The following ANKH variants were observed in gnomAD, a reference collection of about 807,000 sequenced individuals.
The protein encoded by ANKH is ANKH inorganic pyrophosphate transport regulator.
A neutral mutation model predicts 49.0 loss-of-function variants in ANKH; 15 were observed. The observed-to-expected ratio is 0.31, with a 90% CI of 0.20 to 0.47. ANKH has a LOEUF of 0.47. Ranked by LOEUF, ANKH falls within the 20% of genes least tolerant of loss-of-function variation. The probability of loss-of-function intolerance (pLI) is 1.00; values close to 1 mark genes in which losing one functional copy is unlikely to be tolerated. For synonymous variants in ANKH, 273 were observed against 260.0 expected, an observed-to-expected ratio of 1.05 and a Z score of -0.48; for missense variants, 429 against 652.0, an observed-to-expected ratio of 0.66 and a Z score of 3.72.
intron 4 of ANKH, among the ~76,000 whole-genome samples, chr5:14,753,328 G>A (rs1314973656): frequency 6.6e-6 from 1 of 152,196 alleles, no homozygotes; most frequent in Non-Finnish European, 1.5e-5. Context: ...AGTTCGATTA[G>A]TTTATTCTGT....
rs545738221 is a variant in ANKH, at chr5:14,712,799, G to A, written c.1365+75C>T. ...ACTGACGAACGCCACCATCCAACCT[G>A]GTCAGTGGCTGCTCAGGTTCTCCTG... On this transcript the variant is annotated intron_variant, in intron 11 of 11. Transcript: ENST00000284268. The A allele has an allele frequency of 2.1e-6, 3 of 1,415,176 alleles. No homozygotes were observed. In the African/African-American group the frequency reaches 4.3e-5, roughly 20 times the overall value. The allele number at this position is 1,415,176 out of a possible 1,614,324, so 87.7% of individuals were successfully genotyped here.
Position 14,792,991 on chromosome 5 carries a change from AATATATATATATAT to A in ANKH, c.97-23814_97-23801del, listed in dbSNP as rs1258411807. On this transcript the variant is annotated intron_variant, in intron 1 of 11. Transcript: ENST00000284268. ...AAACTCCATCATATATATATATAAAAATATATATATATATAAATATATATATATAAATATATATA... is the reference window on the plus strand; with the variant it reads ...AAACTCCATCATATATATATATAAAAAAATATATATATATAAATATATATA... 3.5e-5 allele frequency among the ~76,000 whole-genome samples: 3 copies of A among 85,478 alleles called. 1 individual carries two copies. The highest frequency in any genetic ancestry group is 6.8e-5 in the Non-Finnish European group (3 of 44,170). 56.1% of individuals were successfully genotyped at this position (85,478 alleles called of 152,430 possible). A position where few individuals can be genotyped will look rare whatever the true frequency, so the allele number is the denominator to read the frequency against.
In ANKH at chr5:14,841,498, T is replaced by C. The variant is rs188934094; in HGVS notation, c.96+29854A>G. On this transcript the variant is annotated intron_variant, in intron 1 of 11. Coordinates refer to ENST00000284268, the MANE Select transcript of ANKH (RefSeq NM_054027.6). ...TTTTGGTAGAGATGGGATTTTGCCA[T>C]GTTGGCCAGGCTGGTCTCAAACTCC... Among the ~76,000 whole-genome samples the C allele has an allele frequency of 2.5e-3, 386 of 152,284 alleles. 1 individual carries two copies. Among genetic ancestry groups the C allele is most frequent in the Non-Finnish European group, 2.9e-3 (199 of 68,014 alleles).
At position 14,787,462 on chromosome 5, in the gene ANKH, G is replaced by T. The variant is rs2126538625; in HGVS notation, c.97-18271C>A. On this transcript the variant is annotated intron_variant, in intron 1 of 11. Transcript: ENST00000284268. ...GTATATTTGTATGAGCAGAGATATA[G>T]CTAGAGACTGACATACACCAAGCTG... Among the ~76,000 whole-genome samples the T allele has an allele frequency of 2.6e-5, 4 of 152,272 alleles. No homozygotes were observed. In the South Asian group the frequency reaches 8.3e-4, roughly 32 times the overall value.
intron 1 of ANKH, among the ~76,000 whole-genome samples, chr5:14,855,633 C>T (rs1735211625): frequency 6.6e-6 from 1 of 152,088 alleles, no homozygotes; most frequent in African/African-American, 2.4e-5. Context: ...ACTTGAATGA[C>T]CTGATTACAG....
At chr5:14,716,492 CAATAAATA>C (rs372301335) in intron 9 of ANKH, among the ~76,000 whole-genome samples, 1 of 151,446 alleles carries the variant, frequency 6.6e-6, no homozygotes, top group African/African-American at 2.4e-5. Context: ...ACTCTGTCTC[CAATAAATA>C]AATAAATAAA....
intron 1 of ANKH, among the ~76,000 whole-genome samples, chr5:14,789,510 T>C (rs1740091732): frequency 1.3e-5 from 2 of 152,058 alleles, no homozygotes; most frequent in South Asian, 4.1e-4. Context: ...TCTAGAAATT[T>C]TCTAAAGTAT....
intron 1 of ANKH, among the ~76,000 whole-genome samples, chr5:14,814,774 A>G (rs31916): frequency 0.27 from 41,128 of 152,106 alleles, 5,743 homozygotes; most frequent in Admixed American, 0.35. Flanking sequence ...TCCATCTTCT[A>G]TCTGAGGAGG....
intron 1 of ANKH, among the ~76,000 whole-genome samples, chr5:14,831,995 C>A (rs1741520614): frequency 6.6e-6 from 1 of 152,142 alleles, no homozygotes; most frequent in Non-Finnish European, 1.5e-5. Context: ...TCTGGCCCAG[C>A]AAAATATTCA....
rs181751561 is a variant in ANKH, at chr5:14,808,380, T to C, written c.97-39189A>G. ...CTTCCAAAAGAAAACACCCAATGAT[T>C]TGGGGATGTCTTTTGGCTTCTGGGT... On this transcript the variant is annotated intron_variant, in intron 1 of 11. Coordinates refer to ENST00000284268, the MANE Select transcript of ANKH (RefSeq NM_054027.6). 2.0e-5 allele frequency among the ~76,000 whole-genome samples: 3 copies of C among 152,310 alleles called. No homozygotes were observed. In the East Asian group the frequency reaches 5.8e-4, roughly 29 times the overall value.
chr5:14,721,909 G>A (rs935372574), intron 8 of ANKH, among the ~76,000 whole-genome samples: 5 of 110,398 alleles, frequency 4.5e-5, no homozygotes, highest in African/African-American at 7.2e-5. Flanking sequence ...CAGCCTGGGC[G>A]ACAGAGCGAG....
At chr5:14,731,612 C>T (rs1738005047) in intron 8 of ANKH, among the ~76,000 whole-genome samples, 2 of 152,156 alleles carry the variant, frequency 1.3e-5, no homozygotes, top group South Asian at 4.1e-4. Context: ...AACCATAAAA[C>T]TGTGCAAGGT....
At chr5:14,834,040 A>G (rs1053826695) in intron 1 of ANKH, among the ~76,000 whole-genome samples, 3 of 152,192 alleles carry the variant, frequency 2.0e-5, no homozygotes, top group Non-Finnish European at 2.9e-5. Context: ...AGCACGGCTC[A>G]CCTTCCACAA....
chr5:14,775,743 GTGGGTT>G (rs779515296), intron 1 of ANKH, among the ~76,000 whole-genome samples: 10 of 152,226 alleles, frequency 6.6e-5, no homozygotes, highest in Non-Finnish European at 1.2e-4. Flanking sequence ...GGTGTAGAAG[GTGGGTT>G]TGGACAAGCA....
intron 1 of ANKH, among the ~76,000 whole-genome samples, chr5:14,781,829 T>A (rs1004031686): frequency 1.3e-5 from 2 of 152,196 alleles, no homozygotes; most frequent in African/African-American, 4.8e-5. Flanking sequence ...TTTCCTAATT[T>A]TTTATACTTA....
At chr5:14,857,612 C>G (rs949523746) in intron 1 of ANKH, among the ~76,000 whole-genome samples, 2 of 151,828 alleles carry the variant, frequency 1.3e-5, no homozygotes, top group Non-Finnish European at 2.9e-5. Context: ...GAGTGGAGAT[C>G]GCGCCACTGC....
At chr5:14,729,047 A>C (rs1366562864) in intron 8 of ANKH, among the ~76,000 whole-genome samples, 5 of 152,008 alleles carry the variant, frequency 3.3e-5, no homozygotes, top group African/African-American at 1.2e-4. Context: ...AAATGATGGG[A>C]AAAAAGCCTT....
At chr5:14,815,885 A>C (rs1299912083) in intron 1 of ANKH, among the ~76,000 whole-genome samples, 1 of 152,174 alleles carries the variant, frequency 6.6e-6, no homozygotes. Context: ...GCACAGATCG[A>C]GGGCGCTGGC....
At chr5:14,870,474 C>G (rs1735780405) in intron 1 of ANKH, 1 of 152,202 alleles carries the variant, frequency 6.6e-6, no homozygotes, top group South Asian at 2.1e-4. Context: ...ACAGGAGTGC[C>G]GCTCGTCACA....
Sources: gnomAD v4.1 joint callset for allele counts (sites outside exome capture counted in the v4.1 genomes callset) on GRCh38, gnomAD v4.1.1 for gene constraint, MANE v1.5 for transcripts, NCBI Gene and HGNC (gene_info 2026-07-23, HGNC 2026-07-21) for gene names.